Variants in UPK1B observed in about 807,000 individuals in gnomAD.
The protein encoded by UPK1B is uroplakin 1B, also known as uroplakin-1b.
A neutral mutation model predicts 34.2 loss-of-function variants in UPK1B; 28 were observed. The observed-to-expected ratio is 0.82, with a 90% CI of 0.61 to 1.12. UPK1B has a LOEUF of 1.12. Ranked by LOEUF, UPK1B falls within the 50% of genes most tolerant of loss-of-function variation. The pLI is 0.00. For synonymous variants in UPK1B, 81 were observed against 110.4 expected (o/e 0.73, Z 1.67); for missense variants, 325 against 320.9 (o/e 1.01, Z -0.10).
intron 1 of UPK1B, among the ~76,000 whole-genome samples, chr3:119,184,012 C>T (rs552707528): frequency 2.0e-5 from 3 of 152,302 alleles, no homozygotes; most frequent in African/African-American, 7.2e-5. Flanking sequence ...CACCACCTTC[C>T]AATAACCAAC....
chr3:119,203,063 C>G (rs189474951), intron 7 of UPK1B, among the ~76,000 whole-genome samples: 3 of 152,230 alleles, frequency 2.0e-5, no homozygotes, highest in African/African-American at 7.2e-5. Context: ...GATATCTAGG[C>G]CAGGCGTGGT....
At chr3:119,190,391 T>C in intron 4 of UPK1B, 72 bp downstream of exon 4, 3 of 1,168,600 alleles carry the variant, frequency 2.6e-6, no homozygotes, top group Non-Finnish European at 3.8e-6. Context: ...ATTAACCCCT[T>C]ACTATGTGCC....
chr3:119,188,988 T>C (rs1204522163), intron 3 of UPK1B, among the ~76,000 whole-genome samples: 1 of 151,874 alleles, frequency 6.6e-6, no homozygotes. Flanking sequence ...TTTTGGTGGG[T>C]GGGGAAAGGA....
chr3:119,192,135 T>C (rs980319147), intron 5 of UPK1B, among the ~76,000 whole-genome samples: 1 of 152,214 alleles, frequency 6.6e-6, no homozygotes, highest in Admixed American at 6.5e-5. Context: ...GAACATTCCA[T>C]TCTCTGACCA....
chr3:119,201,565 A>G (rs753048253), intron 7 of UPK1B, among the ~76,000 whole-genome samples: 5 of 152,216 alleles, frequency 3.3e-5, no homozygotes, highest in Non-Finnish European at 7.3e-5. Flanking sequence ...AGTCCCTCCC[A>G]TGACATGTGG....
intron 1 of UPK1B, among the ~76,000 whole-genome samples, chr3:119,178,594 T>A (rs549006648): frequency 2.0e-5 from 3 of 152,322 alleles, no homozygotes; most frequent in African/African-American, 7.2e-5. Context: ...AGTAAGTAGA[T>A]CATTTTGGCC....
At chr3:119,187,721 C>T (rs776707083) in intron 2 of UPK1B, 54 bp from the exon 3 acceptor site, 4 of 1,558,268 alleles carry the variant, frequency 2.6e-6, no homozygotes, top group Non-Finnish European at 3.5e-6. Flanking sequence ...CCACCCTCCA[C>T]CCCCTTTCCC....
At chr3:119,199,232 G>A in intron 7 of UPK1B, 92 bp downstream of exon 7, 1 of 1,432,314 alleles carries the variant, frequency 7.0e-7, no homozygotes, top group Non-Finnish European at 9.6e-7. Context: ...ACACTAGAAA[G>A]TCTAGAAACA....
Position 119,199,243 on chromosome 3 carries a change from A to G in UPK1B, c.732+103A>G, listed in dbSNP as rs961754696. On this transcript the variant is annotated intron_variant, in intron 7 of 7. Transcript: ENST00000264234. ...AACCACACTAGAAAGTCTAGAAACA[A>G]AACCTCAGGCCTGAAGGCTAGTCAG... is the stretch of plus-strand genomic sequence containing the variant. 1.6e-5 allele frequency: 21 copies of G among 1,335,038 alleles called. No individual in the cohort carries two copies. In the African/African-American group the frequency reaches 3.0e-4, roughly 19 times the overall value. 82.7% of individuals were successfully genotyped at this position (1,335,038 alleles called of 1,614,324 possible). A position where few individuals can be genotyped will look rare whatever the true frequency, so the allele number is the denominator to read the frequency against.
At chr3:119,184,391 C>T (rs966929267) in intron 1 of UPK1B, among the ~76,000 whole-genome samples, 1 of 152,080 alleles carries the variant, frequency 6.6e-6, no homozygotes, top group Admixed American at 6.5e-5. Flanking sequence ...TGTGCACGGT[C>T]ATTTTTCCTT....
intron 5 of UPK1B, among the ~76,000 whole-genome samples, chr3:119,192,359 A>T (rs2078048495): frequency 6.6e-6 from 1 of 152,164 alleles, no homozygotes; most frequent in South Asian, 2.1e-4. Context: ...AAGCCCACCG[A>T]GTAGAATATA....
At chr3:119,187,674 C>G in intron 2 of UPK1B, 101 bp from the exon 3 acceptor site, 2 of 1,249,248 alleles carry the variant, frequency 1.6e-6, no homozygotes, top group Non-Finnish European at 1.2e-6. Context: ...TTGCATAAAG[C>G]CTGTGCAGGA....
chr3:119,187,713 A>AC, intron 2 of UPK1B, 62 bp from the exon 3 acceptor site: 11 of 1,073,790 alleles, frequency 1.0e-5, no homozygotes, highest in South Asian at 2.7e-5. Context: ...TACCTTCCCC[A>AC]CCCTCCACCC....
At chr3:119,176,763 T>C (rs1282144395) in intron 1 of UPK1B, among the ~76,000 whole-genome samples, 1 of 152,196 alleles carries the variant, frequency 6.6e-6, no homozygotes, top group Non-Finnish European at 1.5e-5. Context: ...CCCTGCCAGA[T>C]AAGTAATCCA....
chr3:119,173,982 C>T (rs1314362687), intron 1 of UPK1B, among the ~76,000 whole-genome samples: 2 of 152,048 alleles, frequency 1.3e-5, no homozygotes, highest in African/African-American at 4.8e-5. Flanking sequence ...CTGATTAAAT[C>T]GCACATAGAC....
intron 7 of UPK1B, among the ~76,000 whole-genome samples, chr3:119,203,025 CTTA>C (rs2078099229): frequency 6.6e-6 from 1 of 152,060 alleles, no homozygotes; most frequent in Non-Finnish European, 1.5e-5. Context: ...AGTGATGTTG[CTTA>C]TAACGAGATT....
At chr3:119,185,833 GTTCC>G (rs1159352695) in intron 1 of UPK1B, among the ~76,000 whole-genome samples, 1 of 152,200 alleles carries the variant, frequency 6.6e-6, no homozygotes, top group Non-Finnish European at 1.5e-5. Flanking sequence ...TTACCTTTGT[GTTCC>G]TTCCAGAAAA....
At chr3:119,174,917 A>G (rs1481267317) in intron 1 of UPK1B, among the ~76,000 whole-genome samples, 2 of 147,458 alleles carry the variant, frequency 1.4e-5, no homozygotes, top group African/African-American at 2.5e-5. Context: ...AACTGCTGGG[A>G]AGAATCATAG....
chr3:119,175,535 C>T (rs111470923), intron 1 of UPK1B, among the ~76,000 whole-genome samples: 2,616 of 143,360 alleles, frequency 0.018, 74 homozygotes, highest in African/African-American at 0.065. Context: ...CTGCCCACCC[C>T]CTCCCCCCCG....
Sources: allele counts gnomAD v4.1 joint callset (sites outside exome capture counted in the v4.1 genomes callset), GRCh38; gene constraint gnomAD v4.1.1; transcripts MANE v1.5; gene names NCBI Gene and HGNC (gene_info 2026-07-23, HGNC 2026-07-21).